The following GABRB1 variants were observed in gnomAD, a reference collection of about 807,000 sequenced individuals.
GABRB1 encodes gamma-aminobutyric acid receptor subunit beta-1.
Under a neutral mutation model 51.6 loss-of-function variants are expected in GABRB1, and 17 were observed. The ratio of observed to expected loss-of-function variants is 0.33; its 90% confidence interval spans 0.23 to 0.49. The LOEUF (loss-of-function observed/expected upper bound fraction) is 0.49, where lower values mean the gene tolerates loss of function less well. Among genes scored for constraint, GABRB1 ranks in the 20% least tolerant of loss-of-function variants. The pLI, the probability that GABRB1 is intolerant of heterozygous loss-of-function variation, is 0.99. For missense variants in GABRB1, 410 were observed against 600.6 expected, an observed-to-expected ratio of 0.68 and a Z score of 3.32; for synonymous variants, 247 against 218.9, an observed-to-expected ratio of 1.13 and a Z score of -1.14.
chr4:47,200,004 G>C (rs1030547813), intron 4 of GABRB1, among the ~76,000 whole-genome samples: 2 of 152,122 alleles, frequency 1.3e-5, no homozygotes, highest in African/African-American at 4.8e-5. Flanking sequence ...GATTAACCAG[G>C]GTTATACTCT....
chr4:47,403,259 A>C, intron 5 of GABRB1, 59 bp from the exon 6 acceptor site: 1 of 1,589,686 alleles, frequency 6.3e-7, no homozygotes, highest in Non-Finnish European at 8.6e-7. Context: ...TAGCTCCCAG[A>C]TGGTATTCAA....
chr4:47,340,526 G>A (rs574412853), intron 5 of GABRB1, among the ~76,000 whole-genome samples: 1 of 152,054 alleles, frequency 6.6e-6, no homozygotes, highest in African/African-American at 2.4e-5. Flanking sequence ...TCCTGGTGAG[G>A]GCCCACTTCC....
At chr4:46,994,999 G>A (rs1577807131) in intron 1 of GABRB1, among the ~76,000 whole-genome samples, 1 of 152,182 alleles carries the variant, frequency 6.6e-6, no homozygotes. Context: ...TCCGTGCTCT[G>A]TATTCTGTAC....
chr4:47,155,475 G>A (rs1015383495), intron 3 of GABRB1, among the ~76,000 whole-genome samples: 2 of 151,958 alleles, frequency 1.3e-5, no homozygotes, highest in Admixed American at 1.3e-4. Flanking sequence ...GTTAGAAAAG[G>A]AGGAATTGCT....
At chr4:46,994,439 GA>G (rs1246976635) in intron 1 of GABRB1, 4 of 151,206 alleles carry the variant, frequency 2.6e-5, no homozygotes, top group African/African-American at 9.8e-5. Flanking sequence ...CGGCTGGAGA[GA>G]GAGTGGGGGG....
intron 4 of GABRB1, among the ~76,000 whole-genome samples, chr4:47,297,997 T>A (rs529184362): frequency 2.0e-5 from 3 of 152,170 alleles, no homozygotes; most frequent in Non-Finnish European, 4.4e-5. Flanking sequence ...AACTACATGA[T>A]TATCTCAATA....
intron 5 of GABRB1, among the ~76,000 whole-genome samples, chr4:47,370,988 T>C (rs34236483): frequency 0.53 from 80,048 of 151,688 alleles, 21,626 homozygotes; most frequent in African/African-American, 0.58. Flanking sequence ...GTTTGTTACA[T>C]AGGTAAATAT....
chr4:47,291,687 T>G (rs1318481056), intron 4 of GABRB1, among the ~76,000 whole-genome samples: 1 of 152,156 alleles, frequency 6.6e-6, no homozygotes, highest in Non-Finnish European at 1.5e-5. Context: ...GAGTGAGACA[T>G]GAAGTCAAAG....
At chr4:47,364,376 GATC>G (rs1726906279) in intron 5 of GABRB1, among the ~76,000 whole-genome samples, 2 of 152,048 alleles carry the variant, frequency 1.3e-5, no homozygotes, top group Non-Finnish European at 2.9e-5. Flanking sequence ...AAGAAAAAAA[GATC>G]AGACAAAGTA....
intron 5 of GABRB1, among the ~76,000 whole-genome samples, chr4:47,325,507 T>C (rs1392628693): frequency 1.3e-5 from 2 of 152,044 alleles, no homozygotes; most frequent in Non-Finnish European, 2.9e-5. Context: ...ATCTTCAAGC[T>C]CTTGTGTGAC....
chr4:47,294,362 G>T (rs1005235490), intron 4 of GABRB1, among the ~76,000 whole-genome samples: 1 of 152,176 alleles, frequency 6.6e-6, no homozygotes, highest in African/African-American at 2.4e-5. Flanking sequence ...TCAAAGAAAG[G>T]GGTGACAGAT....
At position 47,314,954 on chromosome 4, in the gene GABRB1, C is replaced by T. The variant is rs1370562305; in HGVS notation, c.462-5173C>T. Among the ~76,000 whole-genome samples the T allele has an allele frequency of 3.9e-5, 6 of 152,064 alleles. No homozygotes were observed. The East Asian group carries it at 9.6e-4, about 24-fold the overall frequency. The stretch of plus-strand genomic sequence containing the variant: ...ACAACCTCAGAAATACCATTCTGGA[C>T]AGAGGATCTGGCAAAGATTTCGTGA... On this transcript the variant is annotated intron_variant, in intron 4 of 8. Coordinates refer to ENST00000295454, the MANE Select transcript of GABRB1 (RefSeq NM_000812.4).
At chr4:47,019,729 CT>C (rs1188236673) in intron 1 of GABRB1, among the ~76,000 whole-genome samples, 3 of 147,912 alleles carry the variant, frequency 2.0e-5, no homozygotes, top group Non-Finnish European at 4.5e-5. Context: ...TTCTTTCCTT[CT>C]TTCACGGGCT....
At chr4:47,131,284 G>A (rs528949212) in intron 3 of GABRB1, among the ~76,000 whole-genome samples, 16 of 151,992 alleles carry the variant, frequency 1.1e-4, no homozygotes, top group South Asian at 8.3e-4. Context: ...TCAGCCTCTC[G>A]AGTATCTGGG....
At chr4:47,371,361 A>G (rs1727187842) in intron 5 of GABRB1, among the ~76,000 whole-genome samples, 1 of 152,124 alleles carries the variant, frequency 6.6e-6, no homozygotes, top group African/African-American at 2.4e-5. Context: ...CATTGATTCC[A>G]TGTCTTTGCC....
At chr4:47,151,311 G>T (rs900968644) in intron 3 of GABRB1, among the ~76,000 whole-genome samples, 9 of 151,982 alleles carry the variant, frequency 5.9e-5, no homozygotes, top group Non-Finnish European at 1.2e-4. Context: ...TACAGACCTA[G>T]AATTATTCCT....
At chr4:47,005,938 T>C (rs1288557119) in intron 1 of GABRB1, among the ~76,000 whole-genome samples, 1 of 150,678 alleles carries the variant, frequency 6.6e-6, no homozygotes, top group African/African-American at 2.4e-5. Flanking sequence ...CTTCCTGTAC[T>C]TATTTTTTTA....
At chr4:47,201,129 T>A (rs1241178421) in intron 4 of GABRB1, among the ~76,000 whole-genome samples, 2 of 152,134 alleles carry the variant, frequency 1.3e-5, no homozygotes, top group Non-Finnish European at 1.5e-5. Context: ...ATGTTAAATC[T>A]TGTGAAAATG....
intron 4 of GABRB1, among the ~76,000 whole-genome samples, chr4:47,245,316 T>C (rs1721699321): frequency 6.6e-6 from 1 of 152,314 alleles, no homozygotes; most frequent in South Asian, 2.1e-4. Context: ...TGACCAATAT[T>C]AATTTTGTTC....
Sources: allele counts gnomAD v4.1 joint callset (sites outside exome capture counted in the v4.1 genomes callset), GRCh38; gene constraint gnomAD v4.1.1; transcripts MANE v1.5; gene names NCBI Gene and HGNC (gene_info 2026-07-23, HGNC 2026-07-21).